CFAP263: variants seen among roughly 807,000 people sequenced by gnomAD.
CFAP263 encodes the protein cilia and flagella associated protein 263.
chr16:58,255,644 C>T, the CFAP263 span, among the ~76,000 whole-genome samples: 1 of 151,434 alleles, frequency 6.6e-6, no homozygotes, highest in South Asian at 2.1e-4. Flanking sequence ...ATCCCAGCTC[C>T]GCCTCCCAGG....
chr16:58,268,628 T>C, the CFAP263 span, among the ~76,000 whole-genome samples: 1 of 152,140 alleles, frequency 6.6e-6, no homozygotes, highest in Admixed American at 6.5e-5. Context: ...AGTTTTGTCA[T>C]AACATGCACA....
the CFAP263 span, chr16:58,262,567 T>TC: frequency 6.3e-7 from 1 of 1,576,506 alleles, no homozygotes; most frequent in Non-Finnish European, 8.7e-7. Context: ...TACCCAGGGC[T>TC]CCCCCAAGGC....
chr16:58,280,653 C>T, the CFAP263 span: 374 of 1,614,046 alleles, frequency 2.3e-4, no homozygotes, highest in Non-Finnish European at 3.1e-4. Context: ...CCTTGGTGTA[C>T]AGAAACAGGC....
the CFAP263 span, among the ~76,000 whole-genome samples, chr16:58,259,308 G>T: frequency 1.3e-5 from 2 of 152,144 alleles, no homozygotes; most frequent in African/African-American, 2.4e-5. Context: ...GGCTCCAACA[G>T]TCCACCCACC....
chr16:58,270,632 AT>A, the CFAP263 span, among the ~76,000 whole-genome samples: 2 of 151,800 alleles, frequency 1.3e-5, no homozygotes, highest in Admixed American at 6.6e-5. Flanking sequence ...CAGTTTATCC[AT>A]TTTTTTTCTT....
At chr16:58,255,054 C>T in the CFAP263 span, among the ~76,000 whole-genome samples, 1 of 152,260 alleles carries the variant, frequency 6.6e-6, no homozygotes, top group African/African-American at 2.4e-5. Flanking sequence ...CAAAGTCCCA[C>T]GCAATCGATC....
the CFAP263 span, among the ~76,000 whole-genome samples, chr16:58,258,694 G>A: frequency 4.6e-5 from 7 of 152,208 alleles, no homozygotes; most frequent in South Asian, 1.0e-3. Flanking sequence ...GTTTTAAAAT[G>A]TATGTTTATG....
the CFAP263 span, chr16:58,252,816 T>C: frequency 6.2e-7 from 1 of 1,613,888 alleles, no homozygotes. Context: ...CCTCCACGAT[T>C]ATCAGAAATT....
the CFAP263 span, among the ~76,000 whole-genome samples, chr16:58,266,120 A>T: frequency 2.0e-5 from 3 of 152,058 alleles, no homozygotes; most frequent in African/African-American, 7.2e-5. Flanking sequence ...TGAAAATAGG[A>T]GTGGGGAAGA....
the CFAP263 span, chr16:58,262,670 C>T: frequency 1.3e-6 from 1 of 778,768 alleles, no homozygotes; most frequent in Non-Finnish European, 1.9e-6. Flanking sequence ...AGCCATGTGT[C>T]CTAAAATTCC....
At chr16:58,250,982 A>G in the CFAP263 span, among the ~76,000 whole-genome samples, 1 of 152,328 alleles carries the variant, frequency 6.6e-6, no homozygotes, top group Non-Finnish European at 1.5e-5. Context: ...TAAATTGGAT[A>G]TAAAGATTCC....
chr16:58,282,480 A>T, the CFAP263 span: 1 of 152,352 alleles, frequency 6.6e-6, no homozygotes, highest in Non-Finnish European at 1.5e-5. Context: ...AGGAAGCCAC[A>T]CCAGAACAGA....
the CFAP263 span, among the ~76,000 whole-genome samples, chr16:58,273,127 T>G: frequency 5.3e-4 from 81 of 152,342 alleles, no homozygotes; most frequent in Middle Eastern, 3.4e-3. Flanking sequence ...TGCTTTGCCA[T>G]TTAACATTTT....
At chr16:58,258,296 T>C in the CFAP263 span, 3 of 1,423,498 alleles carry the variant, frequency 2.1e-6, no homozygotes, top group Non-Finnish European at 2.9e-6. Context: ...CCTGGGAACT[T>C]AGGTTTTCTT....
At chr16:58,259,794 A>G in the CFAP263 span, 1 of 1,136,230 alleles carries the variant, frequency 8.8e-7, no homozygotes, top group Non-Finnish European at 1.3e-6. Context: ...CACTTTTCAA[A>G]CCAATGGGAA....
At chr16:58,283,719 G>C in the CFAP263 span, 3 of 152,166 alleles carry the variant, frequency 2.0e-5, no homozygotes, top group African/African-American at 7.2e-5. Context: ...CCACCTGGCA[G>C]AGGACCCAGT....
At chr16:58,280,439 G>C in the CFAP263 span, 1 of 1,614,102 alleles carries the variant, frequency 6.2e-7, no homozygotes, top group South Asian at 1.1e-5. Flanking sequence ...CTGTTTCCTA[G>C]TCGTGAATGC....
the CFAP263 span, among the ~76,000 whole-genome samples, chr16:58,266,624 G>T: frequency 4.6e-5 from 7 of 151,562 alleles, no homozygotes; most frequent in African/African-American, 1.7e-4. Flanking sequence ...CTGGTGGGTG[G>T]GTTTTCAGGG....
chr16:58,250,160 C>A, the CFAP263 span: 1 of 1,257,040 alleles, frequency 8.0e-7, no homozygotes, highest in African/African-American at 1.5e-5. Flanking sequence ...CCTCCTAGGC[C>A]CTCCTCTCCG....
Sources: gnomAD v4.1 joint callset for allele counts (sites outside exome capture counted in the v4.1 genomes callset) on GRCh38, gnomAD v4.1.1 for gene constraint, MANE v1.5 for transcripts, NCBI Gene and HGNC (gene_info 2026-07-23, HGNC 2026-07-21) for gene names.